The following PLA2G12A variants were observed in gnomAD, a reference collection of about 807,000 sequenced individuals.
The protein encoded by PLA2G12A is group XIIA secretory phospholipase A2.
In PLA2G12A, 11 loss-of-function variants were observed where a neutral mutation model predicts 16.0. The observed-to-expected ratio is 0.69, with a 90% CI of 0.43 to 1.13. The LOEUF (loss-of-function observed/expected upper bound fraction) is 1.13. Ranked by LOEUF, PLA2G12A falls within the 50% of genes most tolerant of loss-of-function variation. The pLI is 0.00. For missense variants in PLA2G12A, 214 were observed against 237.3 expected (o/e 0.90, Z 0.65); for synonymous variants, 77 against 93.8 (o/e 0.82, Z 1.03).
chr4:109,722,249 C>T (rs1468879832), intron 1 of PLA2G12A, among the ~76,000 whole-genome samples: 2 of 152,320 alleles, frequency 1.3e-5, no homozygotes, highest in Non-Finnish European at 2.9e-5. Flanking sequence ...TGCTGTTCCA[C>T]AGACACTGCA....
In PLA2G12A at chr4:109,728,070, G is replaced by C. The variant is rs1026751298; in HGVS notation, c.208+1532C>G. Among the ~76,000 whole-genome samples the C allele has an allele frequency of 5.3e-5, 8 of 152,312 alleles. No homozygotes were observed. The East Asian group carries it at 1.5e-3, about 29-fold the overall frequency. ...TGCTATTCCCTCTGTCTGGAATGCT[G>C]TTTCTCCAAATAACCACATTCCCTC... On this transcript the variant is annotated intron_variant, in intron 1 of 3. Transcript: ENST00000243501.
chr4:109,711,655 A>G lies in PLA2G12A; in HGVS notation c.*2722T>C, dbSNP rs763664336. ...AAATTTTCCATATAGAAAAATTCCA[A>G]ATACTACATATGGATATTCCCACTT... On this transcript the variant is annotated 3_prime_UTR_variant, in exon 4 of 4. Transcript: ENST00000243501. 4.6e-5 allele frequency: 7 copies of G among 152,212 alleles called. No homozygotes were observed. Among genetic ancestry groups the G allele is most frequent in the Non-Finnish European group, 8.8e-5 (6 of 68,044 alleles). The allele number at this position is 152,212 out of a possible 1,614,324, so 9.4% of individuals were successfully genotyped here.
chr4:109,726,113 T>C (rs558293062), intron 1 of PLA2G12A, among the ~76,000 whole-genome samples: 1 of 152,258 alleles, frequency 6.6e-6, no homozygotes, highest in African/African-American at 2.4e-5. Context: ...TCTACCTGTG[T>C]TCCTATTAAC....
At chr4:109,720,604 A>AATAATAT (rs1730918909) in intron 1 of PLA2G12A, among the ~76,000 whole-genome samples, 1 of 35,586 alleles carries the variant, frequency 2.8e-5, no homozygotes, top group African/African-American at 1.3e-4. Flanking sequence ...AAAAAAAAAA[A>AATAATAT]ATATATATAT....
intron 1 of PLA2G12A, among the ~76,000 whole-genome samples, chr4:109,720,631 A>ATG: frequency 1.5e-5 from 2 of 133,162 alleles, no homozygotes; most frequent in African/African-American, 5.8e-5. Context: ...ATATATATAT[A>ATG]TATATATATA....
At position 109,712,112 on chromosome 4, in the gene PLA2G12A, G is replaced by T. The variant is rs936657440; in HGVS notation, c.*2265C>A. Reference sequence around the variant, plus strand: ...GTATCCTAGATTGGATCCTGGAAAAGAAAAATGACATTAATTAAAAAACTA... The same window carrying T: ...GTATCCTAGATTGGATCCTGGAAAATAAAAATGACATTAATTAAAAAACTA... On this transcript the variant is annotated 3_prime_UTR_variant, in exon 4 of 4. Transcript: ENST00000243501. The T allele has an allele frequency of 1.3e-5, 2 of 152,146 alleles. No individual in the cohort carries two copies. The highest frequency in any genetic ancestry group is 2.4e-5 in the African/African-American group (1 of 41,432). The allele number at this position is 152,146 out of a possible 1,614,324, so 9.4% of individuals were successfully genotyped here. A position where few individuals can be genotyped will look rare whatever the true frequency, so the allele number is the denominator to read the frequency against.
intron 1 of PLA2G12A, among the ~76,000 whole-genome samples, chr4:109,721,293 T>C (rs7683794): frequency 0.13 from 20,198 of 151,386 alleles, 2,354 homozygotes; most frequent in African/African-American, 0.31. Flanking sequence ...CCTTCAACTC[T>C]CATCGCCTAC....
Position 109,729,852 on chromosome 4 carries a change from G to A in PLA2G12A, c.-43C>T. 1 of 1,521,344 alleles carries A rather than the reference G, an allele frequency of 6.6e-7. No individual in the cohort carries two copies. Among genetic ancestry groups the A allele is most frequent in the Non-Finnish European group, 8.8e-7 (1 of 1,131,112 alleles). 94.2% of individuals were successfully genotyped at this position (1,521,344 alleles called of 1,614,324 possible). On this transcript the variant is annotated 5_prime_UTR_variant, in exon 1 of 4. Transcript: ENST00000243501. ...CTACGGGTCCCCGAGCCGCGGCGCG[G>A]GGCGCGTCCCCACAGAGTCCCCAGG...
intron 1 of PLA2G12A, 126 bp downstream of exon 1, chr4:109,729,476 A>C (rs915344471): frequency 4.9e-6 from 5 of 1,027,038 alleles, no homozygotes; most frequent in African/African-American, 3.2e-5. Flanking sequence ...AGCAGTGGTT[A>C]AGTTTTTCCA....
chr4:109,727,734 G>A lies in PLA2G12A; in HGVS notation c.208+1868C>T, dbSNP rs371375221. On this transcript the variant is annotated intron_variant, in intron 1 of 3. Transcript: ENST00000243501. ...GAGAATTGCTTGAGCCCAGGAGTTG[G>A]AGGCTGCAGGGAGCAATGATCACAC... Among the ~76,000 whole-genome samples, 12 of 152,212 alleles carry A rather than the reference G, an allele frequency of 7.9e-5. No homozygotes were observed. In the East Asian group the frequency reaches 1.9e-3, roughly 25 times the overall value.
chr4:109,712,240 T>C lies in PLA2G12A; in HGVS notation c.*2137A>G, dbSNP rs551907433. ...TCATGGTTAAATAAAAGGTTAACACTGGGGGAACTGGGTGAGTGGTCACAG... is the reference window on the plus strand; with the variant it reads ...TCATGGTTAAATAAAAGGTTAACACCGGGGGAACTGGGTGAGTGGTCACAG... On this transcript the variant is annotated 3_prime_UTR_variant, in exon 4 of 4. Transcript: ENST00000243501. The C allele has an allele frequency of 7.2e-5, 11 of 152,284 alleles. No homozygotes were observed. Among genetic ancestry groups the C allele is most frequent in the South Asian group, 4.2e-4 (2 of 4,818 alleles). The allele number at this position is 152,284 out of a possible 1,614,324, so 9.4% of individuals were successfully genotyped here.
intron 1 of PLA2G12A, among the ~76,000 whole-genome samples, chr4:109,729,137 T>C (rs1250907683): frequency 6.6e-6 from 1 of 152,184 alleles, no homozygotes; most frequent in Non-Finnish European, 1.5e-5. Flanking sequence ...TTATTGTCTA[T>C]GGGTTTGCAG....
rs975468840 is a variant in PLA2G12A, at chr4:109,710,060, T to C, written c.*4317A>G. The C allele has an allele frequency of 6.6e-6, 1 of 152,230 alleles. No individual in the cohort carries two copies. The highest frequency in any genetic ancestry group is 1.5e-5 in the Non-Finnish European group (1 of 68,042). 9.4% of individuals were successfully genotyped at this position (152,230 alleles called of 1,614,324 possible). On this transcript the variant is annotated 3_prime_UTR_variant, in exon 4 of 4. Transcript: ENST00000243501. ...GCACTGATTCATTTTTGCTCTTTTA[T>C]TTTTTAGGCAGATGGCTGGTTTTTG...
intron 1 of PLA2G12A, among the ~76,000 whole-genome samples, chr4:109,722,052 G>A (rs922563824): frequency 9.2e-5 from 14 of 152,070 alleles, no homozygotes; most frequent in Middle Eastern, 3.2e-3. Context: ...ACAAATGATC[G>A]TATTAAAATA....
Position 109,716,124 on chromosome 4 carries a change from A to G in PLA2G12A, c.451+1424T>C, listed in dbSNP as rs377213551. ...CAGAAAACAGGAAATAAATCTATCT[A>G]TGCTTCAGGTTTACAGCTAGTTTAC... On this transcript the variant is annotated intron_variant, in intron 3 of 3. Transcript: ENST00000243501. 1.6e-4 allele frequency among the ~76,000 whole-genome samples: 24 copies of G among 152,364 alleles called. No homozygotes were observed. In the East Asian group the frequency reaches 4.0e-3, roughly 26 times the overall value.
At position 109,717,791 on chromosome 4, in the gene PLA2G12A, T is replaced by C. The variant is rs745574756; in HGVS notation, c.286-78A>G. 9.0e-6 allele frequency: 12 copies of C among 1,336,656 alleles called. 1 individual carries two copies. In the East Asian group the frequency reaches 9.2e-5, roughly 10 times the overall value. The allele number at this position is 1,336,656 out of a possible 1,614,324, so 82.8% of individuals were successfully genotyped here. A position where few individuals can be genotyped will look rare whatever the true frequency, so the allele number is the denominator to read the frequency against. Reference sequence around the variant, plus strand: ...AAGTACTGCATTCAAATAGACTAAATAGGTATAAATGATAATGACTGCTGT... The same window carrying C: ...AAGTACTGCATTCAAATAGACTAAACAGGTATAAATGATAATGACTGCTGT... On this transcript the variant is annotated intron_variant, in intron 2 of 3. Transcript: ENST00000243501.
chr4:109,725,696 T>G (rs1337169500), intron 1 of PLA2G12A, among the ~76,000 whole-genome samples: 1 of 152,250 alleles, frequency 6.6e-6, no homozygotes, highest in Non-Finnish European at 1.5e-5. Context: ...AAGATTTTCA[T>G]AGACTGAGAC....
At chr4:109,724,460 A>G (rs1722889650) in intron 1 of PLA2G12A, among the ~76,000 whole-genome samples, 1 of 151,982 alleles carries the variant, frequency 6.6e-6, no homozygotes, top group African/African-American at 2.4e-5. Context: ...CTCAATGTAC[A>G]TACAACAGCA....
rs1274117917 is a variant in PLA2G12A, at chr4:109,712,266, A to C, written c.*2111T>G. 1 of 152,224 alleles carries C rather than the reference A, an allele frequency of 6.6e-6. No individual in the cohort carries two copies. Among genetic ancestry groups the C allele is most frequent in the East Asian group, 1.9e-4 (1 of 5,200 alleles). 9.4% of individuals were successfully genotyped at this position (152,224 alleles called of 1,614,324 possible). A position where few individuals can be genotyped will look rare whatever the true frequency, so the allele number is the denominator to read the frequency against. ...GGGGGAACTGGGTGAGTGGTCACAGAAGCTCTCCATGTATCTTTGCAACTT... is the reference window on the plus strand; with the variant it reads ...GGGGGAACTGGGTGAGTGGTCACAGCAGCTCTCCATGTATCTTTGCAACTT... On this transcript the variant is annotated 3_prime_UTR_variant, in exon 4 of 4. Coordinates refer to ENST00000243501, the MANE Select transcript of PLA2G12A (RefSeq NM_030821.5).
Sources: allele counts gnomAD v4.1 joint callset (sites outside exome capture counted in the v4.1 genomes callset), GRCh38; gene constraint gnomAD v4.1.1; transcripts MANE v1.5; gene names NCBI Gene and HGNC (gene_info 2026-07-23, HGNC 2026-07-21).